FAM53A: variants seen among roughly 807,000 people sequenced by gnomAD.
FAM53A encodes the protein protein FAM53A.
Under a neutral mutation model 26.6 loss-of-function variants are expected in FAM53A, and 28 were observed. The observed-to-expected ratio is 1.05, with a 90% CI of 0.78 to 1.45. FAM53A has a LOEUF of 1.45. Among genes scored for constraint, FAM53A ranks in the 40% most tolerant of loss-of-function variants. The probability of loss-of-function intolerance (pLI) is 0.00; values close to 1 mark genes in which losing one functional copy is unlikely to be tolerated. For synonymous variants in FAM53A, 290 were observed against 253.1 expected (o/e 1.15, Z -1.38); for missense variants, 650 against 575.8 (o/e 1.13, Z -1.32).
intron 1 of FAM53A, among the ~76,000 whole-genome samples, chr4:1,628,472 G>A (rs111216452): frequency 2.0e-3 from 4 of 2,000 alleles, no homozygotes; most frequent in African/African-American, 0.011. Flanking sequence ...GGTGGCATGG[G>A]GGGAGGGTGC....
chr4:1,594,469 G>T, the FAM53A span, among the ~76,000 whole-genome samples: 1 of 152,158 alleles, frequency 6.6e-6, no homozygotes, highest in East Asian at 1.9e-4. Context: ...CCCCACGGTG[G>T]GGGTATTACT....
At position 1,643,139 on chromosome 4, in the gene FAM53A, G is replaced by A. The variant is rs1186072521; in HGVS notation, c.883-1532C>T. 2.0e-5 allele frequency among the ~76,000 whole-genome samples: 3 copies of A among 152,166 alleles called. No homozygotes were observed. In the East Asian group the frequency reaches 5.8e-4, roughly 29 times the overall value. ...AAAGCACATGGCCCTCGGGGACAGAGCTCCTTTTTTCTAAGGATATTATTG... is the reference window on the plus strand; with the variant it reads ...AAAGCACATGGCCCTCGGGGACAGAACTCCTTTTTTCTAAGGATATTATTG... On this transcript the variant is annotated intron_variant, in intron 4 of 4. Coordinates refer to ENST00000308132, the MANE Select transcript of FAM53A (RefSeq NM_001174070.3).
In FAM53A at chr4:1,630,214, A is replaced by G. The variant is rs1715551395; in HGVS notation, c.432-12103T>C. ...GAGCTGCCCACGAGGCAGGTGCACA[A>G]GACAGCCTGGCCCTGGTGCCACCTG... On this transcript the variant is annotated intron_variant, in intron 1 of 1. Coordinates refer to the FAM53A transcript ENST00000489029. The surrounding 1 kb of genome is among the most constrained non-coding windows in gnomAD (Gnocchi z 4.3). 6.6e-6 allele frequency among the ~76,000 whole-genome samples: 1 copy of G among 152,150 alleles called. No homozygotes were observed.
At chr4:1,584,618 T>C in the FAM53A span, among the ~76,000 whole-genome samples, 1 of 152,214 alleles carries the variant, frequency 6.6e-6, no homozygotes, top group Non-Finnish European at 1.5e-5. Context: ...CTGGGCTGGA[T>C]GTCCCCATTG....
At chr4:1,619,074 A>G (rs1714918535) in intron 1 of FAM53A, among the ~76,000 whole-genome samples, 1 of 152,218 alleles carries the variant, frequency 6.6e-6, no homozygotes, top group Non-Finnish European at 1.5e-5. Context: ...AAAGCAGCCC[A>G]CATAACGGCC....
intron 1 of FAM53A, among the ~76,000 whole-genome samples, chr4:1,681,373 G>A (rs192886363): frequency 4.6e-5 from 7 of 152,252 alleles, no homozygotes; most frequent in East Asian, 1.9e-4. Flanking sequence ...CCACAAGGTC[G>A]ATGGGTTTCT....
the FAM53A span, among the ~76,000 whole-genome samples, chr4:1,589,595 T>A: frequency 0.015 from 2,272 of 152,276 alleles, 59 homozygotes; most frequent in African/African-American, 0.052. Flanking sequence ...TCATTTCAAT[T>A]TTCAATAGCT....
downstream of FAM53A, among the ~76,000 whole-genome samples, chr4:1,616,358 C>A (rs1442792188): frequency 6.6e-6 from 1 of 152,156 alleles, no homozygotes; most frequent in Non-Finnish European, 1.5e-5. Context: ...CCCCTCCCTA[C>A]TGAGCCCAAG....
At chr4:1,596,732 A>G in the FAM53A span, among the ~76,000 whole-genome samples, 1 of 152,192 alleles carries the variant, frequency 6.6e-6, no homozygotes, top group Middle Eastern at 3.2e-3. Flanking sequence ...CCAGATTCCC[A>G]ACTGTACTTC....
chr4:1,595,981 G>C, the FAM53A span, among the ~76,000 whole-genome samples: 2 of 152,238 alleles, frequency 1.3e-5, no homozygotes, highest in Non-Finnish European at 2.9e-5. Context: ...AGCTCAATGG[G>C]GACCAGCACC....
chr4:1,623,701 T>C (rs1164290065), intron 1 of FAM53A, among the ~76,000 whole-genome samples: 3 of 152,254 alleles, frequency 2.0e-5, no homozygotes, highest in Non-Finnish European at 4.4e-5. Context: ...ATGCCAGCCA[T>C]AACTCAGCCT....
intron 1 of FAM53A, among the ~76,000 whole-genome samples, chr4:1,620,768 CCAA>C (rs60815444): frequency 0.1 from 15,778 of 152,016 alleles, 911 homozygotes; most frequent in Middle Eastern, 0.19. Flanking sequence ...AACATCACTG[CCAA>C]CAACAACAAC....
intron 4 of FAM53A, among the ~76,000 whole-genome samples, chr4:1,643,339 G>A (rs908662855): frequency 1.8e-4 from 28 of 151,832 alleles, no homozygotes; most frequent in Admixed American, 8.5e-4. Context: ...GGTGGCGGGC[G>A]CCTGTAGTCC....
chr4:1,680,005 A>T (rs1206187732), intron 1 of FAM53A, among the ~76,000 whole-genome samples: 1 of 123,452 alleles, frequency 8.1e-6, no homozygotes, highest in Non-Finnish European at 1.6e-5. Context: ...CCTGAGCGAC[A>T]GGGCAAGACT....
intron 1 of FAM53A, among the ~76,000 whole-genome samples, chr4:1,623,022 A>AG (rs1469975962): frequency 6.6e-6 from 1 of 152,238 alleles, no homozygotes; most frequent in Non-Finnish European, 1.5e-5. Context: ...ACGAAGGCAC[A>AG]GGCGCTGAAG....
At chr4:1,614,446 A>AGGGGCATGCAGAGACG (rs1714736658), downstream of FAM53A, among the ~76,000 whole-genome samples, 1 of 57,486 alleles carries the variant, frequency 1.7e-5, no homozygotes, top group Non-Finnish European at 3.4e-5. Flanking sequence ...ATGCAGAGAC[A>AGGGGCATGCAGAGACG]TGAGGGGCAT....
Position 1,654,928 on chromosome 4 carries a change from C to T in FAM53A, c.882+50G>A. 7 of 1,483,128 alleles carry T rather than the reference C, an allele frequency of 4.7e-6. No homozygotes were observed. The South Asian group carries it at 7.1e-5, about 15-fold the overall frequency. The allele number at this position is 1,483,128 out of a possible 1,614,324, so 91.9% of individuals were successfully genotyped here. A position where few individuals can be genotyped will look rare whatever the true frequency, so the allele number is the denominator to read the frequency against. On this transcript the variant is annotated intron_variant, in intron 4 of 4. Transcript: ENST00000308132. Reference sequence around the variant, plus strand: ...TCAGCCAGCCTCACCCCAGCACCGCCCTGTCCAGATCTACGCCCCTCTGAG... The same window carrying T: ...TCAGCCAGCCTCACCCCAGCACCGCTCTGTCCAGATCTACGCCCCTCTGAG...
chr4:1,654,914 C>T (rs1447372995), intron 4 of FAM53A, 64 bp downstream of exon 4: 2 of 1,450,814 alleles, frequency 1.4e-6, no homozygotes, highest in East Asian at 2.6e-5. Context: ...CAGCCAGCCT[C>T]ACCCCAGCAC....
At chr4:1,581,488 C>T in the FAM53A span, among the ~76,000 whole-genome samples, 1 of 152,238 alleles carries the variant, frequency 6.6e-6, no homozygotes, top group Non-Finnish European at 1.5e-5. Flanking sequence ...TTAACTGTTA[C>T]CTGAATTTTC....
Sources: allele counts gnomAD v4.1 joint callset (sites outside exome capture counted in the v4.1 genomes callset), GRCh38; gene constraint gnomAD v4.1.1; non-coding constraint Gnocchi (gnomAD v3.1); transcripts MANE v1.5; gene names NCBI Gene and HGNC (gene_info 2026-07-23, HGNC 2026-07-21).